The following WDR48 variants were observed in gnomAD, a reference collection of about 807,000 sequenced individuals.
WDR48 encodes the protein WD repeat domain 48.
WDR48 carries 22 observed loss-of-function variants against 94.0 expected under a neutral mutation model. That is an observed-to-expected ratio of 0.23 (90% CI 0.17 to 0.33). The LOEUF is 0.33. Ranked by LOEUF, WDR48 falls within the 10% of genes least tolerant of loss-of-function variation. The probability of loss-of-function intolerance (pLI) is 1.00; values close to 1 mark genes in which losing one functional copy is unlikely to be tolerated. For synonymous variants in WDR48, 278 were observed against 280.5 expected, an observed-to-expected ratio of 0.99 and a Z score of 0.09; for missense variants, 541 against 813.8, an observed-to-expected ratio of 0.66 and a Z score of 4.08.
At chr3:39,069,539 CT>C (rs1455660421) in intron 6 of WDR48, 103 bp from the exon 7 acceptor site, 7 of 1,021,592 alleles carry the variant, frequency 6.9e-6, no homozygotes, top group Non-Finnish European at 8.5e-6. Flanking sequence ...GTGGTATTGC[CT>C]TCTCAGAATA....
At chr3:39,081,776 C>G (rs921619770) in intron 11 of WDR48, among the ~76,000 whole-genome samples, 1 of 152,106 alleles carries the variant, frequency 6.6e-6, no homozygotes, top group Non-Finnish European at 1.5e-5. Context: ...GGTCTGTTGC[C>G]CACTCTTGGT....
intron 8 of WDR48, among the ~76,000 whole-genome samples, chr3:39,075,860 A>T (rs555302908): frequency 8.6e-5 from 13 of 150,760 alleles, no homozygotes; most frequent in Admixed American, 4.6e-4. Flanking sequence ...TGCCCAGCTA[A>T]TTTTTTTTTG....
chr3:39,084,762 T>C (rs1253860609), intron 13 of WDR48, 21 bp downstream of exon 13: 2 of 1,597,242 alleles, frequency 1.3e-6, no homozygotes, highest in Admixed American at 1.7e-5. Context: ...GTGTCCTTCA[T>C]TTTTTTCCTC....
intron 3 of WDR48, 78 bp downstream of exon 3, chr3:39,065,967 C>A: frequency 9.2e-7 from 1 of 1,081,946 alleles, no homozygotes; most frequent in Non-Finnish European, 1.3e-6. Context: ...TTGAAACATA[C>A]ATACAGAAAA....
At chr3:39,094,236 A>G in intron 18 of WDR48, 170 bp downstream of exon 18, 2 of 1,442,310 alleles carry the variant, frequency 1.4e-6, no homozygotes, top group Middle Eastern at 2.5e-4. Context: ...GGAGATTTTC[A>G]GAGAAGGGAT....
intron 5 of WDR48, 116 bp from the exon 6 acceptor site, chr3:39,068,655 C>G: frequency 3.2e-6 from 2 of 623,502 alleles, no homozygotes; most frequent in Non-Finnish European, 5.7e-6. Flanking sequence ...ATTTCTTTTC[C>G]GTAGAGGACT....
intron 17 of WDR48, among the ~76,000 whole-genome samples, chr3:39,092,220 TCA>T (rs1439272651): frequency 3.3e-5 from 5 of 152,174 alleles, no homozygotes; most frequent in African/African-American, 9.7e-5. Context: ...TTGCCTTAAT[TCA>T]CAGTTTAGGA....
intron 15 of WDR48, 109 bp downstream of exon 15, chr3:39,088,342 C>T: frequency 9.1e-7 from 1 of 1,093,364 alleles, no homozygotes; most frequent in Non-Finnish European, 1.3e-6. Context: ...TTATTAAATT[C>T]TAGGGATGCC....
intron 7 of WDR48, among the ~76,000 whole-genome samples, chr3:39,074,474 T>C (rs77533202): frequency 0.024 from 3,709 of 152,348 alleles, 72 homozygotes; most frequent in Non-Finnish European, 0.037. Flanking sequence ...AAACTTTTAC[T>C]TGCAGATTAG....
intron 8 of WDR48, among the ~76,000 whole-genome samples, chr3:39,075,947 C>T (rs902155392): frequency 3.9e-5 from 6 of 152,086 alleles, no homozygotes; most frequent in Non-Finnish European, 5.9e-5. Context: ...CTGCCCACCT[C>T]GGCCTCCCAA....
chr3:39,068,624 A>G (rs2033753018), intron 5 of WDR48, 147 bp from the exon 6 acceptor site: 2 of 531,090 alleles, frequency 3.8e-6, no homozygotes, highest in Non-Finnish European at 6.9e-6. Context: ...TACTGTTTAG[A>G]TTTATCTCCA....
intron 14 of WDR48, 52 bp from the exon 15 acceptor site, chr3:39,088,076 C>A (rs1257406615): frequency 3.0e-5 from 46 of 1,548,726 alleles, no homozygotes; most frequent in Non-Finnish European, 4.0e-5. Context: ...TGTTTAGAAT[C>A]TGTATTTTTA....
At chr3:39,057,901 G>A (rs192483568) in intron 1 of WDR48, among the ~76,000 whole-genome samples, 1 of 152,336 alleles carries the variant, frequency 6.6e-6, no homozygotes, top group Non-Finnish European at 1.5e-5. Context: ...TTACAGGCAT[G>A]AGCCACTGCG....
At chr3:39,093,073 T>G (rs1384912487) in intron 17 of WDR48, among the ~76,000 whole-genome samples, 4 of 152,164 alleles carry the variant, frequency 2.6e-5, no homozygotes, top group Non-Finnish European at 4.4e-5. Flanking sequence ...ATACAGAGTT[T>G]GAGGTGCCTG....
intron 15 of WDR48, 138 bp from the exon 16 acceptor site, chr3:39,089,093 G>A (rs2034957399): frequency 2.8e-6 from 2 of 707,042 alleles, no homozygotes; most frequent in South Asian, 2.1e-5. Context: ...CTTCCAGGCT[G>A]TACTTTTATT....
intron 5 of WDR48, among the ~76,000 whole-genome samples, chr3:39,068,096 T>A (rs1055818697): frequency 2.0e-5 from 3 of 152,202 alleles, no homozygotes; most frequent in East Asian, 1.9e-4. Context: ...CACTTTTTTT[T>A]AATACATAAT....
In WDR48 at chr3:39,078,376, AT is replaced by A. The variant is rs2034340198; in HGVS notation, c.1075+138del. 3 of 671,160 alleles carry A rather than the reference AT, an allele frequency of 4.5e-6. No individual in the cohort carries two copies. In the East Asian group the frequency reaches 9.3e-5, roughly 21 times the overall value. The allele number at this position is 671,160 out of a possible 1,614,324, so 41.6% of individuals were successfully genotyped here. ...AAGATAATACATTGGTTTATTTTTA[AT>A]ATAAGGAAAAGGTTTTTTTTTGTTT... On this transcript the variant is annotated intron_variant, in intron 10 of 18. Transcript: ENST00000302313.
At chr3:39,066,445 A>G (rs1397537308) in intron 3 of WDR48, 103 bp from the exon 4 acceptor site, 4 of 971,918 alleles carry the variant, frequency 4.1e-6, no homozygotes, top group African/African-American at 3.3e-5. Flanking sequence ...TGTGTAAGAG[A>G]GAGAATATGT....
At chr3:39,094,139 T>C in intron 18 of WDR48, 73 bp downstream of exon 18, 2 of 1,530,226 alleles carry the variant, frequency 1.3e-6, no homozygotes, top group South Asian at 1.4e-5. Context: ...TGCCTTTGGG[T>C]GGGGGGCTTC....
Sources: allele counts gnomAD v4.1 joint callset (sites outside exome capture counted in the v4.1 genomes callset), GRCh38; gene constraint gnomAD v4.1.1; transcripts MANE v1.5; gene names NCBI Gene and HGNC (gene_info 2026-07-23, HGNC 2026-07-21).